The following NTM variants were observed in gnomAD, a reference collection of about 807,000 sequenced individuals.
NTM encodes IgLON family member 2.
In NTM, 13 loss-of-function variants were observed where a neutral mutation model predicts 42.1. The ratio of observed to expected loss-of-function variants is 0.31; its 90% CI spans 0.20 to 0.49. The LOEUF (loss-of-function observed/expected upper bound fraction) is 0.49. Ranked by LOEUF, NTM falls within the 20% of genes least tolerant of loss-of-function variation. The probability of loss-of-function intolerance (pLI) is 0.99; values close to 1 mark genes in which losing one functional copy is unlikely to be tolerated. For missense variants in NTM, 373 were observed against 452.8 expected, an observed-to-expected ratio of 0.82 and a Z score of 1.60; for synonymous variants, 187 against 179.2, an observed-to-expected ratio of 1.04 and a Z score of -0.35.
At chr11:132,331,038 G>A (rs766885671) in intron 8 of NTM, among the ~76,000 whole-genome samples, 6 of 152,194 alleles carry the variant, frequency 3.9e-5, no homozygotes, top group African/African-American at 7.2e-5. Flanking sequence ...GATGGCCTGC[G>A]GGAAGCAGCC....
Position 131,981,818 on chromosome 11 carries a change from G to A in NTM, c.167+70170G>A, listed in dbSNP as rs1475060997. 3.9e-5 allele frequency among the ~76,000 whole-genome samples: 6 copies of A among 151,980 alleles called. No homozygotes were observed. In the East Asian group the frequency reaches 9.7e-4, roughly 25 times the overall value. ...CTGAGGTCAGGAGTTCAAGACCAGC[G>A]TGGTCAACATGGCGAAACCCCATCT... On this transcript the variant is annotated intron_variant, in intron 2 of 8. Transcript: ENST00000683400.
intron 3 of NTM, among the ~76,000 whole-genome samples, chr11:132,174,121 C>T (rs921195686): frequency 6.6e-6 from 1 of 152,132 alleles, no homozygotes; most frequent in Non-Finnish European, 1.5e-5. Flanking sequence ...AAATTTATGT[C>T]TTAATGATAC....
chr11:132,144,631 G>C (rs995077512), intron 2 of NTM, among the ~76,000 whole-genome samples: 1 of 152,094 alleles, frequency 6.6e-6, no homozygotes, highest in Non-Finnish European at 1.5e-5. Flanking sequence ...GTAGACTGGG[G>C]GTGAGACTAA....
At position 131,637,517 on chromosome 11, in the gene NTM, C is replaced by T. The variant is rs554309481; in HGVS notation, c.82+266629C>T. On this transcript the variant is annotated intron_variant, in intron 1 of 8. Transcript: ENST00000683400. ...GCCTAGGTGTGCACTACTTTTAACA[C>T]GCCAGGTGCTCTCTACTTGTAATAA... Among the ~76,000 whole-genome samples, 125 of 151,570 alleles carry T rather than the reference C, an allele frequency of 8.2e-4. 1 individual carries two copies. Among genetic ancestry groups the T allele is most frequent in the Middle Eastern group, 6.8e-3 (2 of 294 alleles).
intron 1 of NTM, among the ~76,000 whole-genome samples, chr11:131,854,391 A>G (rs1161004153): frequency 6.6e-6 from 1 of 152,262 alleles, no homozygotes; most frequent in African/African-American, 2.4e-5. Context: ...TAGACAATAA[A>G]GAGATGTACA....
Position 131,697,020 on chromosome 11 carries a change from G to A in NTM, c.83-214544G>A, listed in dbSNP as rs1039230920. The stretch of plus-strand genomic sequence containing the variant: ...TAGCCCTGAGTATATGGAGAAAAGC[G>A]ACAGAGATGATCTGTTCACAGCAAG... On this transcript the variant is annotated intron_variant, in intron 1 of 8. Transcript: ENST00000683400. Among the ~76,000 whole-genome samples the A allele has an allele frequency of 3.3e-5, 5 of 152,202 alleles. No homozygotes were observed. In the South Asian group the frequency reaches 6.2e-4, roughly 19 times the overall value.
chr11:131,784,740 G>A (rs983040360), intron 1 of NTM, among the ~76,000 whole-genome samples: 1 of 152,158 alleles, frequency 6.6e-6, no homozygotes, highest in African/African-American at 2.4e-5. Context: ...CACACTTTAA[G>A]TGGTCGCATT....
chr11:131,505,840 C>T (rs533002223), intron 1 of NTM, among the ~76,000 whole-genome samples: 2 of 152,322 alleles, frequency 1.3e-5, no homozygotes, highest in Admixed American at 1.3e-4. Flanking sequence ...AGAATGCAGG[C>T]TTCTGTTTAA....
chr11:131,996,860 C>T (rs2068142143), intron 2 of NTM, among the ~76,000 whole-genome samples: 1 of 152,146 alleles, frequency 6.6e-6, no homozygotes. Flanking sequence ...TGAAGCATCT[C>T]CTTCCTTGCT....
chr11:131,643,471 C>T (rs2065390898), intron 1 of NTM, among the ~76,000 whole-genome samples: 1 of 152,158 alleles, frequency 6.6e-6, no homozygotes, highest in Non-Finnish European at 1.5e-5. Flanking sequence ...ACATTAAGGC[C>T]CCTTCCTCAA....
chr11:131,468,547 GT>G (rs201610547), intron 1 of NTM, among the ~76,000 whole-genome samples: 30 of 151,948 alleles, frequency 2.0e-4, no homozygotes, highest in African/African-American at 7.2e-4. Flanking sequence ...TTTTTTGTGA[GT>G]TTTTTTTCTA....
intron 1 of NTM, among the ~76,000 whole-genome samples, chr11:131,676,630 C>T (rs2071451653): frequency 6.6e-6 from 1 of 152,228 alleles, no homozygotes; most frequent in South Asian, 2.1e-4. Context: ...TTAACATGGG[C>T]CTTCAGGCAC....
At chr11:131,932,064 C>T (rs59458358) in intron 2 of NTM, among the ~76,000 whole-genome samples, 2,224 of 152,290 alleles carry the variant, frequency 0.015, 36 homozygotes, top group African/African-American at 0.043. Flanking sequence ...TGGATGGCAA[C>T]GTCAGGTTCA....
chr11:132,186,193 T>C (rs1431380286), intron 3 of NTM, among the ~76,000 whole-genome samples: 1 of 152,140 alleles, frequency 6.6e-6, no homozygotes, highest in Non-Finnish European at 1.5e-5. Context: ...CTGCGGTGGC[T>C]CTCTCATCAC....
chr11:132,324,820 A>G (rs1292129660), intron 7 of NTM, among the ~76,000 whole-genome samples: 1 of 150,346 alleles, frequency 6.7e-6, no homozygotes, highest in African/African-American at 2.5e-5. Context: ...ACCAAAACAG[A>G]GATATAGATC....
intron 1 of NTM, among the ~76,000 whole-genome samples, chr11:131,602,741 C>T (rs1242727382): frequency 2.0e-5 from 3 of 152,146 alleles, no homozygotes; most frequent in Non-Finnish European, 2.9e-5. Context: ...TAACATTCTC[C>T]AAATTGAGCT....
chr11:131,432,806 T>G (rs1948755020), intron 1 of NTM, among the ~76,000 whole-genome samples: 1 of 150,002 alleles, frequency 6.7e-6, no homozygotes, highest in East Asian at 2.0e-4. Flanking sequence ...ATTCTAGACA[T>G]TCATCTACTA....
chr11:132,016,870 T>C (rs1292814573), intron 2 of NTM, among the ~76,000 whole-genome samples: 1 of 151,984 alleles, frequency 6.6e-6, no homozygotes, highest in Non-Finnish European at 1.5e-5. Context: ...TCTAGTGGTT[T>C]TAATTTGCAT....
chr11:131,747,233 A>G (rs1287519919), intron 1 of NTM, among the ~76,000 whole-genome samples: 7 of 152,178 alleles, frequency 4.6e-5, no homozygotes, highest in Non-Finnish European at 8.8e-5. Flanking sequence ...AAACTGTCCT[A>G]TGAACTTACA....
Sources: allele counts gnomAD v4.1 joint callset (sites outside exome capture counted in the v4.1 genomes callset), GRCh38; gene constraint gnomAD v4.1.1; transcripts MANE v1.5; gene names NCBI Gene and HGNC (gene_info 2026-07-23, HGNC 2026-07-21).